The following RPL22 variants were observed in gnomAD, a reference collection of about 807,000 sequenced individuals.
The protein encoded by RPL22 is large ribosomal subunit protein eL22.
Under a neutral mutation model 16.2 loss-of-function variants are expected in RPL22, and 4 were observed. The ratio of observed to expected loss-of-function variants is 0.25; its 90% CI spans 0.12 to 0.57. RPL22 has a LOEUF of 0.57. RPL22 is among the 20% of genes least tolerant of loss of function. The probability of loss-of-function intolerance (pLI) is 0.92; values close to 1 mark genes in which losing one functional copy is unlikely to be tolerated. For missense variants in RPL22, 83 were observed against 156.1 expected, an observed-to-expected ratio of 0.53 and a Z score of 2.49; for synonymous variants, 43 against 54.8, an observed-to-expected ratio of 0.78 and a Z score of 0.95.
intron 2 of RPL22, 78 bp from the exon 3 acceptor site, chr1:6,193,132 C>G (rs771221257): frequency 6.5e-7 from 1 of 1,537,098 alleles, no homozygotes; most frequent in Non-Finnish European, 8.9e-7. Flanking sequence ...TCTCCCAACA[C>G]TGAACTAATA....
intron 2 of RPL22, among the ~76,000 whole-genome samples, chr1:6,196,976 A>C (rs139576941): frequency 6.6e-6 from 1 of 152,172 alleles, no homozygotes; most frequent in Non-Finnish European, 1.5e-5. Context: ...TAAACACACC[A>C]AACAGCAAGG....
Position 6,197,660 on chromosome 1 carries a change from C to G in RPL22, c.109G>C (p.Ala37Pro). ...ATAAGGATGTAACTTACAAAATTGG[C>G]AGCATCCATGATTCCATCTTCTACA... The part of the protein sequence containing the change: ...HPVEDGIMDA[A>P]NFEQFLQERI... Residue 37 changes from alanine (A) to proline (P), a missense_variant, in exon 2 of 4, where the codon GCC (alanine) becomes CCC (proline). Ala to Pro is a conservative substitution (Grantham distance 27). Coordinates refer to ENST00000234875, the MANE Select transcript of RPL22 (RefSeq NM_000983.4). 6.2e-7 allele frequency: 1 copy of G among 1,609,388 alleles called. No individual in the cohort carries two copies. The highest frequency in any genetic ancestry group is 1.3e-5 in the African/African-American group (1 of 74,920).
rs1341825050 is a variant in RPL22, at chr1:6,199,568, A to C, written c.6T>G (p.Ala2=). ...CACGCGGAGCCATACTAACCACAGG[A>C]GCCATGGCGGCAGCGGAGTTAGAAA... M[A]PVKKLVVKGG... is the part of the protein sequence containing the mutation. Residue 2 remains alanine, a synonymous_variant, in exon 1 of 4, where the codon GCT becomes GCG. Transcript: ENST00000234875. The C allele has an allele frequency of 2.6e-6, 4 of 1,568,184 alleles. No homozygotes were observed. Among genetic ancestry groups the C allele is most frequent in the Admixed American group, 1.9e-5 (1 of 53,080 alleles).
intron 2 of RPL22, 112 bp downstream of exon 2, chr1:6,197,540 G>T (rs1221857194): frequency 1.5e-6 from 1 of 680,744 alleles, no homozygotes; most frequent in Non-Finnish European, 2.6e-6. Context: ...GATACAGCCA[G>T]ACCTGTGAAG....
At chr1:6,194,611 G>T (rs138420769) in intron 2 of RPL22, among the ~76,000 whole-genome samples, 190 of 152,302 alleles carry the variant, frequency 1.2e-3, no homozygotes, top group African/African-American at 4.4e-3. Context: ...AACTGGCTGG[G>T]TGCAGTAGCT....
intron 3 of RPL22, among the ~76,000 whole-genome samples, chr1:6,189,778 G>A (rs1667626734): frequency 6.6e-6 from 1 of 152,088 alleles, no homozygotes; most frequent in African/African-American, 2.4e-5. Context: ...AAAATTAACC[G>A]GGCGTGGTGG....
chr1:6,199,484 G>A (rs1435652300), intron 1 of RPL22, 78 bp downstream of exon 1: 36 of 1,528,126 alleles, frequency 2.4e-5, no homozygotes, highest in Non-Finnish European at 2.8e-5. Flanking sequence ...CGTCCCCAGC[G>A]AGCCTGGGTA....
intron 3 of RPL22, among the ~76,000 whole-genome samples, chr1:6,189,870 GA>G (rs1557572935): frequency 6.6e-6 from 1 of 152,138 alleles, no homozygotes. Flanking sequence ...TCAGTGAGCT[GA>G]AATCGCGCCA....
rs1025045984 is a variant in RPL22 at position 6,185,991 on chromosome 1, G to GA, written c.*680dup. 5 of 230,460 alleles carry GA rather than the reference G, an allele frequency of 2.2e-5. No homozygotes were observed. Among genetic ancestry groups the GA allele is most frequent in the East Asian group, 1.2e-4 (2 of 16,172 alleles). The allele number at this position is 230,460 out of a possible 1,614,324, so 14.3% of individuals were successfully genotyped here. ...TCCTACAGCTCCCTCTGCTGGAGAC[G>GA]AAAGTGACAGTTTGTTGCAAAGACC... On this transcript the variant is annotated 3_prime_UTR_variant, in exon 4 of 4. Transcript: ENST00000234875.
chr1:6,199,468 G>C, intron 1 of RPL22, 94 bp downstream of exon 1: 1 of 1,513,966 alleles, frequency 6.6e-7, no homozygotes, highest in Non-Finnish European at 8.9e-7. Flanking sequence ...GGACGCTGCA[G>C]GGCGCCGTCC....
At chr1:6,192,755 T>C (rs551066861) in intron 3 of RPL22, among the ~76,000 whole-genome samples, 175 bp downstream of exon 3, 73 of 152,254 alleles carry the variant, frequency 4.8e-4, no homozygotes, top group African/African-American at 1.4e-3. Context: ...CCACCAAAAG[T>C]TGACTATTGT....
intron 2 of RPL22, 55 bp from the exon 3 acceptor site, chr1:6,193,109 A>C: frequency 2.5e-6 from 4 of 1,601,574 alleles, no homozygotes; most frequent in Non-Finnish European, 3.4e-6. Context: ...GTCTCAACAG[A>C]ATATTTTATC....
chr1:6,186,954 G>C, intron 3 of RPL22, 138 bp from the exon 4 acceptor site: 1 of 1,244,268 alleles, frequency 8.0e-7, no homozygotes, highest in Non-Finnish European at 1.1e-6. Context: ...GCAAAGGTAA[G>C]GCAAATACAC....
chr1:6,195,051 G>A (rs998410564), intron 2 of RPL22, among the ~76,000 whole-genome samples: 25 of 151,818 alleles, frequency 1.6e-4, no homozygotes, highest in African/African-American at 6.1e-4. Context: ...GCAGGAGAAT[G>A]GCATGAACAC....
Position 6,185,667 on chromosome 1 carries a change from C to T in RPL22, c.*1005G>A. 1 of 302,110 alleles carries T rather than the reference C, an allele frequency of 3.3e-6. No individual in the cohort carries two copies. Among genetic ancestry groups the T allele is most frequent in the South Asian group, 1.6e-4 (1 of 6,116 alleles). The allele number at this position is 302,110 out of a possible 1,614,324, so 18.7% of individuals were successfully genotyped here. A position where few individuals can be genotyped will look rare whatever the true frequency, so the allele number is the denominator to read the frequency against. ...TTACTGTTTGAATTTCAGAAGGGCA[C>T]CACAAGGCACCAGAGTCTTTCAAAG... On this transcript the variant is annotated 3_prime_UTR_variant, in exon 4 of 4. Transcript: ENST00000234875.
chr1:6,185,371 A>C lies in RPL22; in HGVS notation c.*1301T>G. ...TCTGCTTTCTGTGACGGCAGAGAAG[A>C]AATATGCAAGCAATTCTGCTTCAAA... On this transcript the variant is annotated 3_prime_UTR_variant, in exon 4 of 4. Transcript: ENST00000234875. 2.5e-6 allele frequency: 1 copy of C among 399,102 alleles called. No homozygotes were observed. Among genetic ancestry groups the C allele is most frequent in the East Asian group, 3.6e-5 (1 of 28,080 alleles). 24.7% of individuals were successfully genotyped at this position (399,102 alleles called of 1,614,324 possible).
At chr1:6,195,767 A>T (rs1163373433) in intron 2 of RPL22, among the ~76,000 whole-genome samples, 1 of 150,864 alleles carries the variant, frequency 6.6e-6, no homozygotes, top group African/African-American at 2.4e-5. Context: ...AAATAAATAA[A>T]AATAAAATAA....
Position 6,197,774 on chromosome 1 carries a change from T to G in RPL22, c.13-18A>C, listed in dbSNP as rs759549802. 37 of 1,513,716 alleles carry G rather than the reference T, an allele frequency of 2.4e-5. No individual in the cohort carries two copies. The Admixed American group carries it at 6.2e-4, about 25-fold the overall frequency. The allele number at this position is 1,513,716 out of a possible 1,614,324, so 93.8% of individuals were successfully genotyped here. ...AGCTTTTTCTAAGAAAATACACAAA[T>G]GATAACAGAGATGAAGTTTCAGTCA... is the stretch of plus-strand genomic sequence containing the variant. On this transcript the variant is annotated intron_variant, in intron 1 of 3. Transcript: ENST00000234875.
At position 6,185,637 on chromosome 1, in the gene RPL22, T is replaced by C. The variant is rs1207502719; in HGVS notation, c.*1035A>G. 5.8e-6 allele frequency: 2 copies of C among 345,438 alleles called. No homozygotes were observed. The allele number at this position is 345,438 out of a possible 1,614,324, so 21.4% of individuals were successfully genotyped here. A position where few individuals can be genotyped will look rare whatever the true frequency, so the allele number is the denominator to read the frequency against. On this transcript the variant is annotated 3_prime_UTR_variant, in exon 4 of 4. Coordinates refer to ENST00000234875, the MANE Select transcript of RPL22 (RefSeq NM_000983.4). The stretch of plus-strand genomic sequence containing the variant: ...ACCGTAAATTCTAATGCAGACACTT[T>C]TGCATTACTGTTTGAATTTCAGAAG...
Sources: allele counts gnomAD v4.1 joint callset (sites outside exome capture counted in the v4.1 genomes callset), GRCh38; gene constraint gnomAD v4.1.1; transcripts MANE v1.5; gene names NCBI Gene and HGNC (gene_info 2026-07-23, HGNC 2026-07-21).